Variants in SGMS1 observed in about 807,000 individuals in gnomAD.
The protein encoded by SGMS1 is phosphatidylcholine:ceramide cholinephosphotransferase 1.
A neutral mutation model predicts 46.2 loss-of-function variants in SGMS1; 13 were observed. The observed-to-expected ratio is 0.28, with a 90% CI of 0.18 to 0.45. SGMS1 has a LOEUF of 0.45. Among genes scored for constraint, SGMS1 ranks in the 20% least tolerant of loss-of-function variants. The probability of loss-of-function intolerance (pLI) is 1.00; values close to 1 mark genes in which losing one functional copy is unlikely to be tolerated. For synonymous variants in SGMS1, 203 were observed against 187.8 expected, an observed-to-expected ratio of 1.08 and a Z score of -0.66; for missense variants, 324 against 519.9, an observed-to-expected ratio of 0.62 and a Z score of 3.66.
intron 6 of SGMS1, among the ~76,000 whole-genome samples, chr10:50,401,416 A>G (rs1848938682): frequency 6.6e-6 from 1 of 152,194 alleles, no homozygotes; most frequent in Non-Finnish European, 1.5e-5. Context: ...AAGAATACTG[A>G]GGCTCGGAGA....
chr10:50,400,968 T>G (rs1848931199), intron 6 of SGMS1, among the ~76,000 whole-genome samples: 1 of 152,156 alleles, frequency 6.6e-6, no homozygotes, highest in African/African-American at 2.4e-5. Context: ...ATGATGATAA[T>G]TAGTGTGTGT....
chr10:50,322,934 T>C (rs1847473899), intron 8 of SGMS1, among the ~76,000 whole-genome samples: 1 of 150,122 alleles, frequency 6.7e-6, no homozygotes, highest in Non-Finnish European at 1.5e-5. Flanking sequence ...CATGGGCTAA[T>C]CAAGGTATCA....
At chr10:50,564,149 C>T (rs12219692) in intron 2 of SGMS1, among the ~76,000 whole-genome samples, 24,132 of 152,260 alleles carry the variant, frequency 0.16, 2,356 homozygotes, top group East Asian at 0.28. Flanking sequence ...TGTCAGCACA[C>T]TGGCTTTCCT....
In SGMS1 at chr10:50,531,375, A is replaced by ATT. The variant is rs111628705; in HGVS notation, c.-588-11456_-588-11455dup. On this transcript the variant is annotated intron_variant, in intron 2 of 10. Coordinates refer to ENST00000361781, the MANE Select transcript of SGMS1 (RefSeq NM_147156.4). ...GAGGAAGTGCCATACATGTTTACTTATTTTTTTTTTTATAAATTCCCTTAC... is the reference window on the plus strand; with the variant it reads ...GAGGAAGTGCCATACATGTTTACTTATTTTTTTTTTTTTATAAATTCCCTTAC... Among the ~76,000 whole-genome samples, 170 of 149,010 alleles carry ATT rather than the reference A, an allele frequency of 1.1e-3. 1 individual carries two copies. Among genetic ancestry groups the ATT allele is most frequent in the African/African-American group, 4.1e-3 (168 of 40,578 alleles).
chr10:50,433,761 A>C (rs1418219522), intron 5 of SGMS1, among the ~76,000 whole-genome samples: 1 of 152,198 alleles, frequency 6.6e-6, no homozygotes, highest in African/African-American at 2.4e-5. Flanking sequence ...CAGTATTTCC[A>C]CTATGAAGGA....
At chr10:50,572,269 C>T (rs999562764) in intron 2 of SGMS1, among the ~76,000 whole-genome samples, 6 of 152,188 alleles carry the variant, frequency 3.9e-5, no homozygotes, top group African/African-American at 1.4e-4. Flanking sequence ...GTAACCCAAA[C>T]ACCACAGGTT....
chr10:50,548,411 T>C (rs1196721660), intron 2 of SGMS1, among the ~76,000 whole-genome samples: 1 of 152,018 alleles, frequency 6.6e-6, no homozygotes, highest in Non-Finnish European at 1.5e-5. Flanking sequence ...AGAGTACACA[T>C]CTACAGCCAT....
At chr10:50,568,095 C>T (rs2131852746) in intron 2 of SGMS1, among the ~76,000 whole-genome samples, 1 of 152,244 alleles carries the variant, frequency 6.6e-6, no homozygotes, top group South Asian at 2.1e-4. Context: ...TTGCTTTGAC[C>T]ATCACATACC....
rs541054986 is a variant in SGMS1 at position 50,603,802 on chromosome 10, C to T, written c.-683-13555G>A. Among the ~76,000 whole-genome samples, 152 of 152,266 alleles carry T rather than the reference C, an allele frequency of 1.0e-3. 4 individuals are homozygous for T. The South Asian group carries it at 0.031, about 31-fold the overall frequency. ...CTTTCTAATGTTATGTATCTTTAAACACTTGTGACTGTGAAGAGTGTACAA... is the reference window on the plus strand; with the variant it reads ...CTTTCTAATGTTATGTATCTTTAAATACTTGTGACTGTGAAGAGTGTACAA... On this transcript the variant is annotated intron_variant, in intron 1 of 10. Transcript: ENST00000361781.
chr10:50,588,463 T>G (rs1055808106), intron 2 of SGMS1, among the ~76,000 whole-genome samples: 1 of 152,104 alleles, frequency 6.6e-6, no homozygotes. Context: ...ATGGTGTAAT[T>G]GGCTATAATG....
At chr10:50,352,979 A>G (rs1285315105) in intron 6 of SGMS1, among the ~76,000 whole-genome samples, 1 of 152,194 alleles carries the variant, frequency 6.6e-6, no homozygotes, top group Non-Finnish European at 1.5e-5. Context: ...CCAGGACCAG[A>G]TGGATTCACA....
intron 3 of SGMS1, among the ~76,000 whole-genome samples, chr10:50,482,515 A>C (rs1340230318): frequency 1.3e-5 from 2 of 152,234 alleles, no homozygotes; most frequent in Non-Finnish European, 2.9e-5. Context: ...TGTCATCACC[A>C]GGCCTGCCTT....
intron 6 of SGMS1, among the ~76,000 whole-genome samples, chr10:50,403,566 C>T (rs1848970128): frequency 1.3e-5 from 2 of 151,956 alleles, no homozygotes; most frequent in Admixed American, 6.6e-5. Context: ...CCAGATGCTA[C>T]CCTAGGTGCT....
intron 6 of SGMS1, among the ~76,000 whole-genome samples, chr10:50,394,757 G>C (rs956794): frequency 6.6e-6 from 1 of 152,160 alleles, no homozygotes; most frequent in South Asian, 2.1e-4. Flanking sequence ...CAGGCTGTTA[G>C]ACCCTAATAC....
chr10:50,541,163 T>G (rs1838048585), intron 2 of SGMS1, among the ~76,000 whole-genome samples: 1 of 152,110 alleles, frequency 6.6e-6, no homozygotes, highest in Non-Finnish European at 1.5e-5. Flanking sequence ...AAAGGTAAGA[T>G]CCAAACAAAA....
At chr10:50,612,778 G>A (rs1838762582) in intron 1 of SGMS1, among the ~76,000 whole-genome samples, 1 of 152,112 alleles carries the variant, frequency 6.6e-6, no homozygotes, top group Non-Finnish European at 1.5e-5. Context: ...GCGTGATCGC[G>A]GCTCACTGCA....
chr10:50,512,596 C>T (rs1399484790), intron 3 of SGMS1, among the ~76,000 whole-genome samples: 2 of 152,168 alleles, frequency 1.3e-5, no homozygotes, highest in African/African-American at 2.4e-5. Context: ...CCTGCAATGC[C>T]TTCTGATCCA....
intron 2 of SGMS1, among the ~76,000 whole-genome samples, chr10:50,568,562 C>T (rs982068016): frequency 3.9e-5 from 6 of 152,074 alleles, no homozygotes; most frequent in African/African-American, 9.7e-5. Context: ...AGACTGAAGG[C>T]GGTGCTGTGG....
intron 6 of SGMS1, chr10:50,418,231 C>A (rs1314499009): frequency 1.3e-5 from 2 of 152,156 alleles, no homozygotes; most frequent in African/African-American, 4.8e-5. Context: ...GGCGCCCGCG[C>A]CTTGATCGGT....
Sources: gnomAD v4.1 joint callset for allele counts (sites outside exome capture counted in the v4.1 genomes callset) on GRCh38, gnomAD v4.1.1 for gene constraint, MANE v1.5 for transcripts, NCBI Gene and HGNC (gene_info 2026-07-23, HGNC 2026-07-21) for gene names.